Variants in CADM2 observed in about 807,000 individuals in gnomAD.
CADM2 encodes cell adhesion molecule 2, also known as immunoglobulin superfamily member 4D.
A neutral mutation model predicts 49.8 loss-of-function variants in CADM2; 12 were observed. The ratio of observed to expected loss-of-function variants is 0.24; its 90% CI spans 0.15 to 0.39. The LOEUF (loss-of-function observed/expected upper bound fraction) is 0.39, where lower values mean the gene tolerates loss of function less well. Among genes scored for constraint, CADM2 ranks in the 10% least tolerant of loss-of-function variants. The pLI, the probability that CADM2 is intolerant of heterozygous loss-of-function variation, is 1.00. For synonymous variants in CADM2, 214 were observed against 175.4 expected, an observed-to-expected ratio of 1.22 and a Z score of -1.74; for missense variants, 378 against 492.3, an observed-to-expected ratio of 0.77 and a Z score of 2.20.
rs2074483787 is a variant in CADM2 at position 85,838,132 on chromosome 3, G to C, written c.238+35936G>C. The stretch of plus-strand genomic sequence containing the variant: ...TTTAAGTGGTTATCTTATTAATAGT[G>C]GTTAAAGAACCATCACTGGGGCTAA... On this transcript the variant is annotated intron_variant, in intron 3 of 9. Coordinates refer to ENST00000383699, the MANE Select transcript of CADM2 (RefSeq NM_001167675.2). Among the ~76,000 whole-genome samples the C allele has an allele frequency of 3.3e-5, 5 of 151,728 alleles. No individual in the cohort carries two copies. The Admixed American group carries it at 3.3e-4, about 10-fold the overall frequency.
chr3:86,065,769 A>G, intron 9 of CADM2, 39 bp downstream of exon 9: 2 of 1,603,710 alleles, frequency 1.2e-6, no homozygotes, highest in South Asian at 1.1e-5. Context: ...TGTGGGCAAA[A>G]TATTCTAGAC....
At chr3:84,985,243 C>CTA (rs1211983913) in intron 1 of CADM2, among the ~76,000 whole-genome samples, 1 of 151,916 alleles carries the variant, frequency 6.6e-6, no homozygotes, top group Admixed American at 6.6e-5. Context: ...ACCTTATGAA[C>CTA]TATATTATAT....
chr3:85,717,348 A>G (rs926907486), intron 1 of CADM2, among the ~76,000 whole-genome samples: 3 of 152,158 alleles, frequency 2.0e-5, no homozygotes, highest in African/African-American at 7.2e-5. Context: ...TTGATTTTGT[A>G]TCCTGAGACT....
chr3:85,439,930 T>C (rs968277582), intron 1 of CADM2, among the ~76,000 whole-genome samples: 1 of 152,218 alleles, frequency 6.6e-6, no homozygotes, highest in Admixed American at 6.5e-5. Flanking sequence ...ATGTAAAACA[T>C]TTTATAAATC....
At chr3:85,128,542 T>A (rs922304111) in intron 1 of CADM2, among the ~76,000 whole-genome samples, 1 of 152,172 alleles carries the variant, frequency 6.6e-6, no homozygotes, top group Admixed American at 6.5e-5. Context: ...ATGAGTTTAA[T>A]TTGTGTTGTA....
chr3:86,048,511 G>A (rs1736945285), intron 8 of CADM2, among the ~76,000 whole-genome samples: 1 of 151,804 alleles, frequency 6.6e-6, no homozygotes, highest in Admixed American at 6.6e-5. Flanking sequence ...TAATAAACTT[G>A]CATAGAATTT....
intron 1 of CADM2, among the ~76,000 whole-genome samples, chr3:85,620,377 C>A (rs553563074): frequency 6.6e-6 from 1 of 151,914 alleles, no homozygotes; most frequent in Non-Finnish European, 1.5e-5. Context: ...CACACATACA[C>A]ACAAATATAC....
At chr3:85,532,316 T>C (rs971748573) in intron 1 of CADM2, among the ~76,000 whole-genome samples, 4 of 152,234 alleles carry the variant, frequency 2.6e-5, no homozygotes, top group African/African-American at 9.6e-5. Flanking sequence ...ACTTGAAATT[T>C]TTTAAATTGA....
intron 3 of CADM2, among the ~76,000 whole-genome samples, chr3:85,823,584 GATA>G (rs2073729471): frequency 6.6e-6 from 1 of 152,142 alleles, no homozygotes; most frequent in Non-Finnish European, 1.5e-5. Flanking sequence ...GGAAAGTAGA[GATA>G]ATGTCTACTT....
chr3:85,409,200 T>C (rs929117376), intron 1 of CADM2, among the ~76,000 whole-genome samples: 1 of 152,168 alleles, frequency 6.6e-6, no homozygotes, highest in Non-Finnish European at 1.5e-5. Context: ...TCTTTCCTTT[T>C]TTGTGTATTA....
intron 1 of CADM2, among the ~76,000 whole-genome samples, chr3:85,243,103 A>G (rs1470342140): frequency 6.6e-6 from 1 of 151,892 alleles, no homozygotes; most frequent in Non-Finnish European, 1.5e-5. Flanking sequence ...TGAGAATGTA[A>G]TTAAAGAGAC....
intron 1 of CADM2, among the ~76,000 whole-genome samples, chr3:85,310,328 C>G (rs2107043222): frequency 6.6e-6 from 1 of 152,218 alleles, no homozygotes; most frequent in Non-Finnish European, 1.5e-5. Flanking sequence ...TTCATAGTTT[C>G]TATCAATTCA....
intron 1 of CADM2, among the ~76,000 whole-genome samples, chr3:85,496,523 A>G (rs976280822): frequency 6.6e-6 from 1 of 152,110 alleles, no homozygotes; most frequent in East Asian, 1.9e-4. Context: ...GTGTCTTTTT[A>G]GTAGAATGAT....
intron 5 of CADM2, among the ~76,000 whole-genome samples, chr3:85,897,142 G>A (rs181078747): frequency 2.4e-3 from 347 of 145,204 alleles, no homozygotes; most frequent in Non-Finnish European, 4.2e-3. Flanking sequence ...TACCTTATGA[G>A]TTCTTTCTTA....
chr3:85,475,567 T>A (rs1437788214), intron 1 of CADM2, among the ~76,000 whole-genome samples: 1 of 151,938 alleles, frequency 6.6e-6, no homozygotes, highest in Non-Finnish European at 1.5e-5. Context: ...ACGTAGTCAT[T>A]ACTTATCATG....
At chr3:85,551,691 A>G (rs1305285201) in intron 1 of CADM2, among the ~76,000 whole-genome samples, 1 of 152,194 alleles carries the variant, frequency 6.6e-6, no homozygotes, top group East Asian at 1.9e-4. Context: ...AGCTTTTTAA[A>G]TAGCAGTACT....
intron 1 of CADM2, among the ~76,000 whole-genome samples, chr3:85,097,853 C>T (rs980487897): frequency 6.6e-6 from 1 of 152,058 alleles, no homozygotes; most frequent in African/African-American, 2.4e-5. Context: ...TCACATAAGC[C>T]CCTACATAGT....
intron 8 of CADM2, among the ~76,000 whole-genome samples, chr3:86,033,372 A>T (rs919081015): frequency 6.6e-6 from 1 of 151,920 alleles, no homozygotes; most frequent in Non-Finnish European, 1.5e-5. Flanking sequence ...TGAATACTTG[A>T]TTTTGATTGA....
At chr3:85,925,692 CAG>C in intron 6 of CADM2, among the ~76,000 whole-genome samples, 1 of 152,200 alleles carries the variant, frequency 6.6e-6, no homozygotes, top group East Asian at 1.9e-4. Flanking sequence ...TGGCCTAACT[CAG>C]AGTATTAAGC....
Sources: allele counts gnomAD v4.1 joint callset (sites outside exome capture counted in the v4.1 genomes callset), GRCh38; gene constraint gnomAD v4.1.1; transcripts MANE v1.5; gene names NCBI Gene and HGNC (gene_info 2026-07-23, HGNC 2026-07-21).